TNRC18: variants seen among roughly 807,000 people sequenced by gnomAD.
TNRC18 encodes trinucleotide repeat containing 18.
A neutral mutation model predicts 226.7 loss-of-function variants in TNRC18; 69 were observed. That is an observed-to-expected ratio of 0.30 (90% CI 0.25 to 0.37). The LOEUF (loss-of-function observed/expected upper bound fraction) is 0.37, where lower values mean the gene tolerates loss of function less well. Ranked by LOEUF, TNRC18 falls within the 10% of genes least tolerant of loss-of-function variation. TNRC18 has a pLI of 1.00. For missense variants in TNRC18, 4,754 were observed against 4,256.6 expected (o/e 1.12, Z -3.25); for synonymous variants, 2,449 against 1,927.6 (o/e 1.27, Z -7.09).
chr7:5,378,001 A>G lies in TNRC18; in HGVS notation c.2176T>C (p.Cys726Arg), dbSNP rs754219819. The part of the protein sequence containing the change: ...VKGHGRADED[C>R]VDDRARHREE... Reference sequence around the variant, plus strand: ...CGGTGTCTGGCCCGGTCGTCCACACAGTCCTCATCTGCTCGGCCGTGCCCT... The same window carrying G: ...CGGTGTCTGGCCCGGTCGTCCACACGGTCCTCATCTGCTCGGCCGTGCCCT... Residue 726 changes from cysteine to arginine, a missense_variant, in exon 6 of 30, where the codon TGT becomes CGT. By Grantham distance (180) the Cys-to-Arg change is radical (BLOSUM62 -3). Coordinates refer to ENST00000430969, the MANE Select transcript of TNRC18 (RefSeq NM_001080495.3). The G allele has an allele frequency of 1.2e-6, 2 of 1,612,200 alleles. No homozygotes were observed. The highest frequency in any genetic ancestry group is 1.3e-5 in the African/African-American group (1 of 74,880).
At chr7:5,418,700 G>T (rs1332879023) in intron 2 of TNRC18, among the ~76,000 whole-genome samples, 1 of 152,206 alleles carries the variant, frequency 6.6e-6, no homozygotes, top group African/African-American at 2.4e-5. Context: ...CTAAGGTGCC[G>T]ACAGCCAAGG....
chr7:5,361,179 G>C (rs1478355363), intron 14 of TNRC18, among the ~76,000 whole-genome samples: 1 of 152,216 alleles, frequency 6.6e-6, no homozygotes, highest in East Asian at 1.9e-4. Context: ...CCTGGTCTCG[G>C]GGCAAGCCAG....
At chr7:5,335,919 A>T (rs1330075335) in intron 18 of TNRC18, among the ~76,000 whole-genome samples, 1 of 151,782 alleles carries the variant, frequency 6.6e-6, no homozygotes, top group Non-Finnish European at 1.5e-5. Flanking sequence ...CGCAATTACT[A>T]GACAAGGCCA....
At position 5,328,660 on chromosome 7, in the gene TNRC18, C is replaced by T. The variant is rs191162633; in HGVS notation, c.6148-3412G>A. Among the ~76,000 whole-genome samples the T allele has an allele frequency of 2.6e-4, 40 of 152,136 alleles. 1 individual carries two copies. The East Asian group carries it at 7.8e-3, about 30-fold the overall frequency. On this transcript the variant is annotated intron_variant, in intron 19 of 29. Coordinates refer to ENST00000430969, the MANE Select transcript of TNRC18 (RefSeq NM_001080495.3). ...AGTAGCTAGGACTACAGGTGACCGC[C>T]ACCACACCCGGCTACTTTTTTGTAT...
At position 5,315,940 on chromosome 7, in the gene TNRC18, T is replaced by G. The variant is rs557855542; in HGVS notation, c.6862+16A>C. 1.3e-3 allele frequency: 2,012 copies of G among 1,534,582 alleles called. No homozygotes were observed. Among genetic ancestry groups the G allele is most frequent in the Non-Finnish European group, 1.6e-3 (1,816 of 1,135,264 alleles). ...GCCCCTGGCAGGAGACCGGGTGTCA[T>G]GAGCTTGTCACTTACACTGTATCTT... On this transcript the variant is annotated intron_variant, in intron 25 of 29. Transcript: ENST00000430969.
At chr7:5,398,471 C>A (rs1780855813) in intron 2 of TNRC18, among the ~76,000 whole-genome samples, 1 of 151,742 alleles carries the variant, frequency 6.6e-6, no homozygotes, top group African/African-American at 2.4e-5. Flanking sequence ...TGCCTGGCCA[C>A]CCAGCTAATT....
At chr7:5,392,475 G>T (rs185668780) in intron 3 of TNRC18, among the ~76,000 whole-genome samples, 1 of 152,086 alleles carries the variant, frequency 6.6e-6, no homozygotes, top group East Asian at 1.9e-4. Flanking sequence ...TTAGCCAGGC[G>T]TGGTGGCGCA....
chr7:5,399,566 C>T (rs1780935996), intron 2 of TNRC18, among the ~76,000 whole-genome samples: 1 of 151,946 alleles, frequency 6.6e-6, no homozygotes, highest in South Asian at 2.1e-4. Context: ...ATTAGCCGGG[C>T]GTGGTGGCAC....
intron 26 of TNRC18, among the ~76,000 whole-genome samples, chr7:5,314,558 CTCTTCT>C (rs1468424097): frequency 5.4e-5 from 7 of 129,114 alleles, no homozygotes; most frequent in Non-Finnish European, 1.1e-4. Flanking sequence ...GTGCAGAGTT[CTCTTCT>C]TTTTTTTTTT....
chr7:5,402,101 C>G (rs1781137797), intron 2 of TNRC18, among the ~76,000 whole-genome samples: 1 of 150,120 alleles, frequency 6.7e-6, no homozygotes, highest in Admixed American at 6.7e-5. Flanking sequence ...ACGGCATGAA[C>G]CCGGGAGGCG....
Position 5,394,685 on chromosome 7 carries a change from C to G in TNRC18, c.188-90G>C, listed in dbSNP as rs936250659. Reference sequence around the variant, plus strand: ...CCGCCCCGACCCACCGCCCCGAGACCGCCGCCTCTCCCCAGCTGTGTGGAG... The same window carrying G: ...CCGCCCCGACCCACCGCCCCGAGACGGCCGCCTCTCCCCAGCTGTGTGGAG... On this transcript the variant is annotated intron_variant, in intron 2 of 29. Transcript: ENST00000430969. This position sits in a 1 kb window ranked among gnomAD's most constrained non-coding sequence, Gnocchi z 4.5. 1 of 967,388 alleles carries G rather than the reference C, an allele frequency of 1.0e-6. No homozygotes were observed. Among genetic ancestry groups the G allele is most frequent in the Admixed American group, 2.7e-5 (1 of 36,562 alleles). 59.9% of individuals were successfully genotyped at this position (967,388 alleles called of 1,614,324 possible).
chr7:5,327,814 C>T (rs940849442), intron 19 of TNRC18, among the ~76,000 whole-genome samples: 13 of 152,076 alleles, frequency 8.5e-5, no homozygotes, highest in African/African-American at 1.4e-4. Flanking sequence ...AAAACAGAGA[C>T]GCTGCCTGCT....
At chr7:5,329,129 C>T (rs1197783684) in intron 19 of TNRC18, among the ~76,000 whole-genome samples, 3 of 151,720 alleles carry the variant, frequency 2.0e-5, no homozygotes, top group Non-Finnish European at 4.4e-5. Context: ...ATGGCGAAAC[C>T]TTGTCTCTAC....
At chr7:5,322,255 G>A (rs1016794634) in intron 21 of TNRC18, among the ~76,000 whole-genome samples, 1 of 150,162 alleles carries the variant, frequency 6.7e-6, no homozygotes, top group Admixed American at 6.7e-5. Context: ...TCCAGCCCGG[G>A]TGACAGAGAG....
intron 21 of TNRC18, among the ~76,000 whole-genome samples, chr7:5,322,486 G>A (rs12535112): frequency 0.082 from 12,441 of 152,130 alleles, 632 homozygotes; most frequent in Non-Finnish European, 0.11. Flanking sequence ...TAGAGACAGG[G>A]TCCACTATGT....
At chr7:5,340,574 T>TAA (rs35345181) in intron 18 of TNRC18, among the ~76,000 whole-genome samples, 1 of 148,978 alleles carries the variant, frequency 6.7e-6, no homozygotes. Flanking sequence ...CCATCTCTAC[T>TAA]AAAAAAAAAA....
intron 13 of TNRC18, 69 bp from the exon 14 acceptor site, chr7:5,361,791 T>G: frequency 1.3e-6 from 2 of 1,535,206 alleles, no homozygotes; most frequent in South Asian, 1.2e-5. Flanking sequence ...GGGCACACGA[T>G]GCACACACGG....
intron 2 of TNRC18, among the ~76,000 whole-genome samples, chr7:5,401,037 A>G (rs946754621): frequency 5.3e-5 from 8 of 152,048 alleles, no homozygotes; most frequent in African/African-American, 1.9e-4. Flanking sequence ...TGTCTCAAAA[A>G]AAATTTATTA....
chr7:5,409,640 T>C (rs1347837625), intron 2 of TNRC18, among the ~76,000 whole-genome samples: 1 of 151,188 alleles, frequency 6.6e-6, no homozygotes, highest in Non-Finnish European at 1.5e-5. Flanking sequence ...ATTAAGAAAA[T>C]ATTAAGAAAA....
Sources: allele counts gnomAD v4.1 joint callset (sites outside exome capture counted in the v4.1 genomes callset), GRCh38; gene constraint gnomAD v4.1.1; non-coding constraint Gnocchi (gnomAD v3.1); transcripts MANE v1.5; gene names NCBI Gene and HGNC (gene_info 2026-07-23, HGNC 2026-07-21).